Variants in SPAG16 observed in about 807,000 individuals in gnomAD.
SPAG16 encodes the protein sperm-associated antigen 16 protein.
In SPAG16, 86 loss-of-function variants were observed where a neutral mutation model predicts 80.4. The observed-to-expected ratio is 1.07, with a 90% CI of 0.90 to 1.28. The LOEUF is 1.28. Ranked by LOEUF, SPAG16 falls within the 50% of genes most tolerant of loss-of-function variation. The probability of loss-of-function intolerance (pLI) is 0.00; values close to 1 mark genes in which losing one functional copy is unlikely to be tolerated. For synonymous variants in SPAG16, 294 were observed against 265.9 expected (o/e 1.11, Z -1.03); for missense variants, 870 against 765.3 (o/e 1.14, Z -1.61).
At chr2:214,312,509 A>G (rs1161389968) in intron 15 of SPAG16, among the ~76,000 whole-genome samples, 1 of 152,128 alleles carries the variant, frequency 6.6e-6, no homozygotes, top group Non-Finnish European at 1.5e-5. Flanking sequence ...TTCTTGGTAT[A>G]TTATTTAGTA....
chr2:214,388,811 C>T (rs1398424066), intron 15 of SPAG16, among the ~76,000 whole-genome samples: 2 of 152,094 alleles, frequency 1.3e-5, no homozygotes, highest in Non-Finnish European at 2.9e-5. Flanking sequence ...TATGAATATA[C>T]CACATATATT....
intron 15 of SPAG16, among the ~76,000 whole-genome samples, chr2:214,233,677 A>G (rs1688866365): frequency 6.6e-6 from 1 of 152,118 alleles, no homozygotes; most frequent in East Asian, 1.9e-4. Context: ...CCACTGAGGT[A>G]ATAACCATTT....
intron 9 of SPAG16, among the ~76,000 whole-genome samples, chr2:213,425,630 T>A (rs912491335): frequency 6.1e-5 from 8 of 130,832 alleles, no homozygotes; most frequent in Non-Finnish European, 1.2e-4. Context: ...CCAGCCTGGG[T>A]GACAGAGCAA....
chr2:214,235,187 A>G (rs964783814), intron 15 of SPAG16, among the ~76,000 whole-genome samples: 7 of 152,158 alleles, frequency 4.6e-5, no homozygotes, highest in African/African-American at 1.7e-4. Context: ...GATACCTTTA[A>G]TTAATAGCAA....
chr2:213,468,399 ATATCTATGTATT>A (rs2072834365), intron 9 of SPAG16, among the ~76,000 whole-genome samples: 1 of 145,286 alleles, frequency 6.9e-6, no homozygotes, highest in East Asian at 2.0e-4. Context: ...ATATATATAT[ATATCTATGTATT>A]TATGTACAGA....
intron 10 of SPAG16, among the ~76,000 whole-genome samples, chr2:213,531,765 T>C (rs1429227537): frequency 2.0e-5 from 3 of 152,106 alleles, no homozygotes; most frequent in Admixed American, 2.0e-4. Flanking sequence ...ATCAAAAAGG[T>C]CCTTCTTTTT....
chr2:213,503,577 A>G (rs983829803), intron 10 of SPAG16, among the ~76,000 whole-genome samples: 25 of 152,208 alleles, frequency 1.6e-4, no homozygotes. Context: ...AAAAAGGCTA[A>G]TGACCCACTT....
intron 10 of SPAG16, among the ~76,000 whole-genome samples, chr2:213,778,484 C>A (rs549955937): frequency 6.6e-6 from 1 of 152,012 alleles, no homozygotes; most frequent in East Asian, 1.9e-4. Context: ...TGCTTTATTA[C>A]GGACCATATC....
intron 10 of SPAG16, among the ~76,000 whole-genome samples, chr2:213,827,474 CTA>C (rs2073373975): frequency 6.6e-6 from 1 of 151,970 alleles, no homozygotes; most frequent in South Asian, 2.1e-4. Flanking sequence ...TCTACATATA[CTA>C]TGTCTTGAAA....
At chr2:213,852,484 A>G (rs2074957495) in intron 10 of SPAG16, among the ~76,000 whole-genome samples, 1 of 152,102 alleles carries the variant, frequency 6.6e-6, no homozygotes, top group Non-Finnish European at 1.5e-5. Context: ...TCCTCAACAC[A>G]GTCCTCCTTG....
At chr2:213,454,984 C>A (rs1438252505) in intron 9 of SPAG16, among the ~76,000 whole-genome samples, 1 of 152,034 alleles carries the variant, frequency 6.6e-6, no homozygotes, top group Non-Finnish European at 1.5e-5. Context: ...TTATAAACTT[C>A]CAGAGTCATT....
intron 12 of SPAG16, among the ~76,000 whole-genome samples, chr2:213,971,537 G>T (rs2045055471): frequency 6.6e-6 from 1 of 151,976 alleles, no homozygotes; most frequent in Admixed American, 6.6e-5. Flanking sequence ...TTTAAACGTA[G>T]AGTTTTCAGT....
intron 15 of SPAG16, among the ~76,000 whole-genome samples, chr2:214,400,858 A>G (rs886227219): frequency 6.6e-6 from 1 of 152,018 alleles, no homozygotes; most frequent in African/African-American, 2.4e-5. Context: ...CATTTTTGTG[A>G]TATGAACTTC....
chr2:214,035,703 G>T (rs2048660120), intron 13 of SPAG16, among the ~76,000 whole-genome samples: 1 of 152,256 alleles, frequency 6.6e-6, no homozygotes. Flanking sequence ...GTGCAGAGCT[G>T]CCAGGTCTGC....
At chr2:213,631,969 C>A (rs931591539) in intron 10 of SPAG16, among the ~76,000 whole-genome samples, 31 of 152,122 alleles carry the variant, frequency 2.0e-4, no homozygotes, top group African/African-American at 7.5e-4. Flanking sequence ...TATTCTGAGT[C>A]TTTTATGGTG....
In SPAG16 at chr2:213,385,581, G is replaced by A. The variant is rs576441774; in HGVS notation, c.942+10462G>A. Among the ~76,000 whole-genome samples, 6 of 152,042 alleles carry A rather than the reference G, an allele frequency of 3.9e-5. No homozygotes were observed. The South Asian group carries it at 1.2e-3, about 32-fold the overall frequency. ...TTTATTTTTATTTAAATGAATTTTG[G>A]TCTGTTGGCCAGTAAGGAGGGTGGG... On this transcript the variant is annotated intron_variant, in intron 9 of 15. Transcript: ENST00000331683.
chr2:213,761,047 T>A (rs547383860), intron 10 of SPAG16, among the ~76,000 whole-genome samples: 2 of 152,236 alleles, frequency 1.3e-5, no homozygotes, highest in Admixed American at 6.5e-5. Context: ...CATTGGAGAT[T>A]AAGTTTTCAA....
At chr2:213,514,724 T>G (rs1559209983) in intron 10 of SPAG16, among the ~76,000 whole-genome samples, 3 of 151,400 alleles carry the variant, frequency 2.0e-5, no homozygotes, top group Admixed American at 6.6e-5. Context: ...CTTTTAAAAT[T>G]CTCAGAAATC....
chr2:213,865,730 T>G (rs966948284), intron 11 of SPAG16, among the ~76,000 whole-genome samples: 5 of 147,644 alleles, frequency 3.4e-5, no homozygotes, highest in African/African-American at 1.2e-4. Flanking sequence ...TATATACATA[T>G]AAATAATATA....
Sources: gnomAD v4.1 joint callset for allele counts (sites outside exome capture counted in the v4.1 genomes callset) on GRCh38, gnomAD v4.1.1 for gene constraint, MANE v1.5 for transcripts, NCBI Gene and HGNC (gene_info 2026-07-23, HGNC 2026-07-21) for gene names.